The following LIPA variants were observed in gnomAD, a reference collection of about 807,000 sequenced individuals.
LIPA encodes lysosomal acid lipase/cholesteryl ester hydrolase.
A neutral mutation model predicts 40.6 loss-of-function variants in LIPA; 26 were observed. The observed-to-expected ratio is 0.64, with a 90% CI of 0.47 to 0.89. The LOEUF (loss-of-function observed/expected upper bound fraction) is 0.89. Among genes scored for constraint, LIPA ranks in the 40% least tolerant of loss-of-function variants. The probability of loss-of-function intolerance (pLI) is 0.00; values close to 1 mark genes in which losing one functional copy is unlikely to be tolerated. For synonymous variants in LIPA, 188 were observed against 168.4 expected (o/e 1.12, Z -0.90); for missense variants, 455 against 479.6 (o/e 0.95, Z 0.48).
At chr10:89,392,452 A>T (rs946315802) in intron 2 of LIPA, 30 of 487,450 alleles carry the variant, frequency 6.2e-5, no homozygotes, top group Non-Finnish European at 2.9e-5. Context: ...TTTAAAATAG[A>T]AACAAAGTTT....
intron 1 of LIPA, chr10:89,332,456 G>A (rs1196432771): frequency 1.1e-5 from 16 of 1,465,344 alleles, no homozygotes; most frequent in South Asian, 1.4e-5. Context: ...CCTCAAGAGG[G>A]ATCTTGATAG....
intron 1 of LIPA, among the ~76,000 whole-genome samples, chr10:89,413,654 C>A (rs931070051): frequency 2.0e-5 from 3 of 152,046 alleles, no homozygotes; most frequent in Admixed American, 6.5e-5. Context: ...ATAGTCCCAG[C>A]CACTCAGGAG....
intron 2 of LIPA, among the ~76,000 whole-genome samples, chr10:89,409,450 T>G (rs1326236362): frequency 6.6e-6 from 1 of 152,100 alleles, no homozygotes; most frequent in East Asian, 1.9e-4. Flanking sequence ...AGCTGCCCCC[T>G]CACCCATGTC....
upstream of LIPA, among the ~76,000 whole-genome samples, chr10:89,345,531 AAAATAAAT>A (rs3063811): frequency 0.24 from 35,238 of 148,586 alleles, 4,382 homozygotes; most frequent in East Asian, 0.28. Context: ...TCCATCTCAA[AAAATAAAT>A]AAATAAATAA....
At chr10:89,389,209 G>T (rs902881412) in intron 2 of LIPA, among the ~76,000 whole-genome samples, 1 of 152,110 alleles carries the variant, frequency 6.6e-6, no homozygotes, top group Non-Finnish European at 1.5e-5. Flanking sequence ...CTAGAAACCT[G>T]ACTTTTATAA....
chr10:89,389,390 A>G (rs1167298149), intron 2 of LIPA, among the ~76,000 whole-genome samples: 1 of 152,242 alleles, frequency 6.6e-6, no homozygotes, highest in Non-Finnish European at 1.5e-5. Flanking sequence ...GTACAGTAGC[A>G]ACTTCTGCAG....
At position 89,228,639 on chromosome 10, in the gene LIPA, T is replaced by C. The variant is rs1013535557; in HGVS notation, c.230-241A>G. Among the ~76,000 whole-genome samples, 4 of 152,340 alleles carry C rather than the reference T, an allele frequency of 2.6e-5. No individual in the cohort carries two copies. The South Asian group carries it at 6.2e-4, about 24-fold the overall frequency. ...CATGTCCACTAACAAGACACACTTA[T>C]GTAAGCAGCAAAAACAAAAATCAAT... On this transcript the variant is annotated intron_variant, in intron 3 of 9. Coordinates refer to ENST00000336233, the MANE Select transcript of LIPA (RefSeq NM_000235.4).
chr10:89,317,735 C>T (rs961275436), intron 1 of LIPA, among the ~76,000 whole-genome samples: 8 of 152,064 alleles, frequency 5.3e-5, no homozygotes, highest in African/African-American at 1.2e-4. Flanking sequence ...AGATATTCCT[C>T]GAGAAGAGCA....
At chr10:89,364,827 T>C (rs999307822) in intron 2 of LIPA, among the ~76,000 whole-genome samples, 2 of 152,150 alleles carry the variant, frequency 1.3e-5, no homozygotes, top group Non-Finnish European at 1.5e-5. Flanking sequence ...CAAAAATCTA[T>C]AGTAAAATTA....
chr10:89,273,460 G>A (rs76633708), intron 1 of LIPA, among the ~76,000 whole-genome samples: 118 of 152,280 alleles, frequency 7.7e-4, no homozygotes, highest in African/African-American at 2.7e-3. Flanking sequence ...GAGCTCAGGA[G>A]ACCAGGAGCA....
At chr10:89,379,129 G>A (rs1844142844) in intron 2 of LIPA, among the ~76,000 whole-genome samples, 2 of 152,290 alleles carry the variant, frequency 1.3e-5, no homozygotes, top group South Asian at 4.1e-4. Context: ...TTTTTCTGTT[G>A]TTTGTTTGTT....
At chr10:89,251,344 G>C (rs945866164) in intron 1 of LIPA, among the ~76,000 whole-genome samples, 6 of 152,236 alleles carry the variant, frequency 3.9e-5, no homozygotes, top group Non-Finnish European at 5.9e-5. Context: ...GCTAACAAGA[G>C]AGGTAGGATG....
intron 8 of LIPA, 123 bp downstream of exon 8, chr10:89,222,388 T>C: frequency 1.3e-6 from 1 of 745,472 alleles, no homozygotes; most frequent in Non-Finnish European, 2.5e-6. Flanking sequence ...CCCAGGACTC[T>C]GGGGAAGAAA....
At chr10:89,358,249 C>A (rs1844000213) in intron 2 of LIPA, among the ~76,000 whole-genome samples, 1 of 152,154 alleles carries the variant, frequency 6.6e-6, no homozygotes, top group African/African-American at 2.4e-5. Context: ...GCATCTCATC[C>A]TGGTTAGAAT....
chr10:89,339,079 G>A, intron 1 of LIPA: 2 of 1,614,100 alleles, frequency 1.2e-6, no homozygotes, highest in Non-Finnish European at 1.7e-6. Context: ...TGACTGTGAG[G>A]AAGGGTGGAC....
chr10:89,250,670 G>A (rs1429286887), intron 1 of LIPA, among the ~76,000 whole-genome samples: 1 of 152,224 alleles, frequency 6.6e-6, no homozygotes, highest in African/African-American at 2.4e-5. Flanking sequence ...TTTTCCTACA[G>A]AACCTGTATC....
intron 1 of LIPA, among the ~76,000 whole-genome samples, chr10:89,269,512 G>C (rs972799908): frequency 2.2e-4 from 33 of 151,758 alleles, no homozygotes; most frequent in Admixed American, 1.9e-3. Context: ...TTGTGCAAAG[G>C]CTTCAACATA....
chr10:89,307,018 G>C lies in LIPA; in HGVS notation c.-2+35593C>G, dbSNP rs371414597. On this transcript the variant is annotated intron_variant, in intron 1 of 5. Coordinates refer to the LIPA transcript ENST00000282673. Reference sequence around the variant, plus strand: ...TAGCAGATCAGTATGAAGACGCAGAGTATTACTTCCAAAAGGAATTCAGTA... The same window carrying C: ...TAGCAGATCAGTATGAAGACGCAGACTATTACTTCCAAAAGGAATTCAGTA... 3 of 1,613,982 alleles carry C rather than the reference G, an allele frequency of 1.9e-6. No homozygotes were observed. The African/African-American group carries it at 4.0e-5, about 22-fold the overall frequency.
chr10:89,316,147 A>T (rs1055593401), intron 1 of LIPA, among the ~76,000 whole-genome samples: 1 of 152,210 alleles, frequency 6.6e-6, no homozygotes, highest in Admixed American at 6.5e-5. Flanking sequence ...TATAGCTCCC[A>T]GCATGAGTGA....
Sources: gnomAD v4.1 joint callset for allele counts (sites outside exome capture counted in the v4.1 genomes callset) on GRCh38, gnomAD v4.1.1 for gene constraint, MANE v1.5 for transcripts, NCBI Gene and HGNC (gene_info 2026-07-23, HGNC 2026-07-21) for gene names.